Variants in SEMA6A observed in about 807,000 individuals in gnomAD.
SEMA6A encodes the protein semaphorin 6A.
In SEMA6A, 25 loss-of-function variants were observed where a neutral mutation model predicts 96.8. The observed-to-expected ratio is 0.26, with a 90% CI of 0.19 to 0.36. The LOEUF is 0.36. SEMA6A is among the 10% of genes least tolerant of loss of function. The pLI is 1.00. For missense variants in SEMA6A, 1,363 were observed against 1,323.1 expected, an observed-to-expected ratio of 1.03 and a Z score of -0.47; for synonymous variants, 612 against 518.0, an observed-to-expected ratio of 1.18 and a Z score of -2.46.
At chr5:116,539,590 C>T (rs1042073588) in intron 1 of SEMA6A, among the ~76,000 whole-genome samples, 45 of 144,944 alleles carry the variant, frequency 3.1e-4, no homozygotes, top group African/African-American at 6.4e-4. Flanking sequence ...TAATTCTGTG[C>T]GTGTGTGTGT....
intron 1 of SEMA6A, among the ~76,000 whole-genome samples, chr5:116,512,912 G>A (rs1758486244): frequency 6.6e-6 from 1 of 152,168 alleles, no homozygotes; most frequent in East Asian, 1.9e-4. Flanking sequence ...CCTGTGGTAT[G>A]CTCTAGCTTT....
intron 16 of SEMA6A, among the ~76,000 whole-genome samples, 160 bp from the exon 17 acceptor site, chr5:116,473,253 T>G (rs572051174): frequency 6.6e-6 from 1 of 152,384 alleles, no homozygotes; most frequent in Non-Finnish European, 1.5e-5. Flanking sequence ...AGATGCCTTC[T>G]ACTCAGTCCG....
intron 1 of SEMA6A, among the ~76,000 whole-genome samples, chr5:116,548,023 A>G (rs1760257476): frequency 6.6e-6 from 1 of 152,150 alleles, no homozygotes; most frequent in Non-Finnish European, 1.5e-5. Flanking sequence ...CACCTATCCT[A>G]TCACTTACAT....
chr5:116,552,296 A>T (rs1008688911), intron 1 of SEMA6A, among the ~76,000 whole-genome samples: 1 of 152,086 alleles, frequency 6.6e-6, no homozygotes, highest in African/African-American at 2.4e-5. Context: ...AATTACAAAG[A>T]ACAATATTTG....
intron 7 of SEMA6A, among the ~76,000 whole-genome samples, chr5:116,490,011 G>T (rs946418121): frequency 1.3e-5 from 2 of 151,886 alleles, no homozygotes; most frequent in Admixed American, 1.3e-4. Context: ...TACTGTTCAA[G>T]CTCTTTTATA....
At chr5:116,515,810 T>C (rs981451577) in intron 1 of SEMA6A, among the ~76,000 whole-genome samples, 1 of 152,180 alleles carries the variant, frequency 6.6e-6, no homozygotes, top group Non-Finnish European at 1.5e-5. Flanking sequence ...TCCCCAGTTT[T>C]AGAGTAGAAG....
chr5:116,560,757 T>A (rs1561537311), intron 1 of SEMA6A, among the ~76,000 whole-genome samples: 1 of 152,080 alleles, frequency 6.6e-6, no homozygotes, highest in African/African-American at 2.4e-5. Context: ...CATTTGCCAT[T>A]TGATATTTCT....
At chr5:116,497,508 T>G in intron 3 of SEMA6A, 121 bp from the exon 4 acceptor site, 1 of 571,578 alleles carries the variant, frequency 1.7e-6, no homozygotes, top group Non-Finnish European at 3.1e-6. Context: ...GATATCCACA[T>G]GCAAGAAGAA....
At chr5:116,500,382 T>C (rs764860193) in intron 3 of SEMA6A, among the ~76,000 whole-genome samples, 1 of 152,148 alleles carries the variant, frequency 6.6e-6, no homozygotes, top group Non-Finnish European at 1.5e-5. Context: ...CTATAAGACA[T>C]GGGAATAATA....
At chr5:116,470,529 A>G (rs951223421) in intron 17 of SEMA6A, among the ~76,000 whole-genome samples, 3 of 152,222 alleles carry the variant, frequency 2.0e-5, no homozygotes, top group Non-Finnish European at 4.4e-5. Flanking sequence ...CAGAGGTTAG[A>G]TACCCTTCAT....
At chr5:116,503,126 T>TCA (rs1757969772) in intron 2 of SEMA6A, among the ~76,000 whole-genome samples, 1 of 152,050 alleles carries the variant, frequency 6.6e-6, no homozygotes, top group Non-Finnish European at 1.5e-5. Context: ...CCTTTACACC[T>TCA]ACGATCTCCA....
chr5:116,461,623 A>G (rs151069406), intron 18 of SEMA6A, among the ~76,000 whole-genome samples: 3 of 152,330 alleles, frequency 2.0e-5, no homozygotes, highest in African/African-American at 7.2e-5. Flanking sequence ...TACTGAGGGA[A>G]AGAACTGAAG....
intron 5 of SEMA6A, chr5:116,495,748 A>G: frequency 4.4e-6 from 2 of 452,428 alleles, no homozygotes; most frequent in Non-Finnish European, 7.9e-6. Flanking sequence ...TGTTTATTTT[A>G]TGTCACAAAA....
Position 116,489,007 on chromosome 5 carries a change from T to C in SEMA6A, c.536A>G (p.Asp179Gly), listed in dbSNP as rs1178598889. The change falls in exon 8 of 19, where the codon GAT becomes GGT. Residue 179 changes from aspartate to glycine, a missense_variant and splice_region_variant. Physicochemically the swap from Asp to Gly is moderately conservative, Grantham distance 94. Coordinates refer to ENST00000343348, the MANE Select transcript of SEMA6A (RefSeq NM_020796.5). ...CACTGTGGCTGAGTATAGTTTTCCA[T>C]CTTAGAAGAAAAAGAAAAGAGGTGA... ...AKHANVALFA[D>G]GKLYSATVTD... The C allele has an allele frequency of 6.4e-7, 1 of 1,561,156 alleles. No homozygotes were observed. The highest frequency in any genetic ancestry group is 1.9e-5 in the Admixed American group (1 of 52,120).
chr5:116,570,286 T>C (rs1761157718), intron 1 of SEMA6A, among the ~76,000 whole-genome samples: 1 of 152,176 alleles, frequency 6.6e-6, no homozygotes, highest in African/African-American at 2.4e-5. Context: ...GAGAAAAGCC[T>C]TCACGCTGAA....
chr5:116,502,130 A>C (rs1757912527), intron 3 of SEMA6A, 80 bp downstream of exon 3: 2 of 1,077,636 alleles, frequency 1.9e-6, no homozygotes, highest in Non-Finnish European at 2.8e-6. Flanking sequence ...CAAGATCTTA[A>C]AAATAATGCA....
intron 1 of SEMA6A, among the ~76,000 whole-genome samples, chr5:116,525,178 T>C (rs1171836654): frequency 6.6e-6 from 1 of 152,198 alleles, no homozygotes; most frequent in South Asian, 2.1e-4. Flanking sequence ...TTCCCGACAC[T>C]GAGTATTCCC....
At chr5:116,491,883 A>G in intron 6 of SEMA6A, 53 bp from the exon 7 acceptor site, 3 of 1,381,858 alleles carry the variant, frequency 2.2e-6, no homozygotes, top group Non-Finnish European at 3.1e-6. Flanking sequence ...CTTTTGCCCT[A>G]AACCCTCAGA....
intron 12 of SEMA6A, among the ~76,000 whole-genome samples, chr5:116,478,986 G>C (rs1756617388): frequency 6.6e-6 from 1 of 151,318 alleles, no homozygotes; most frequent in Non-Finnish European, 1.5e-5. Flanking sequence ...TACTATAATA[G>C]CCAAAACCAC....
Sources: gnomAD v4.1 joint callset for allele counts (sites outside exome capture counted in the v4.1 genomes callset) on GRCh38, gnomAD v4.1.1 for gene constraint, MANE v1.5 for transcripts, NCBI Gene and HGNC (gene_info 2026-07-23, HGNC 2026-07-21) for gene names.